The following VIPR1 variants were observed in gnomAD, a reference collection of about 807,000 sequenced individuals.
The protein encoded by VIPR1 is vasoactive intestinal polypeptide receptor 1.
VIPR1 carries 59 observed loss-of-function variants against 58.8 expected under a neutral mutation model. The ratio of observed to expected loss-of-function variants is 1.00; its 90% confidence interval spans 0.81 to 1.25. VIPR1 has a LOEUF of 1.25. VIPR1 is among the 50% of genes most tolerant of loss of function. The probability of loss-of-function intolerance (pLI) is 0.00; values close to 1 mark genes in which losing one functional copy is unlikely to be tolerated. For synonymous variants in VIPR1, 251 were observed against 242.1 expected (o/e 1.04, Z -0.34); for missense variants, 626 against 602.7 (o/e 1.04, Z -0.40).
chr3:42,526,341 G>A (rs1234412488), intron 4 of VIPR1, among the ~76,000 whole-genome samples: 1 of 152,226 alleles, frequency 6.6e-6, no homozygotes, highest in African/African-American at 2.4e-5. Context: ...AGGGGAAACC[G>A]AGTTGCTGCA....
chr3:42,522,078 C>T lies in VIPR1; in HGVS notation c.292+2748C>T, dbSNP rs770665527. 1.8e-3 allele frequency among the ~76,000 whole-genome samples: 92 copies of T among 51,306 alleles called. 2 individuals are homozygous for T. The highest frequency in any genetic ancestry group is 2.5e-3 in the Non-Finnish European group (73 of 28,884). The allele number at this position is 51,306 out of a possible 152,430, so 33.7% of individuals were successfully genotyped here. On this transcript the variant is annotated intron_variant, in intron 3 of 12. Coordinates refer to ENST00000325123, the MANE Select transcript of VIPR1 (RefSeq NM_004624.4). ...TATCTTTCATCTGTGTTTCTACCTT[C>T]GAATATATATATATATATATATATT...
At chr3:42,496,488 G>A (rs1315432839) in intron 1 of VIPR1, among the ~76,000 whole-genome samples, 1 of 152,190 alleles carries the variant, frequency 6.6e-6, no homozygotes, top group Non-Finnish European at 1.5e-5. Flanking sequence ...ACACATAGAG[G>A]GAGATGTGGC....
chr3:42,523,315 C>T (rs1701054926), intron 3 of VIPR1, among the ~76,000 whole-genome samples: 1 of 152,102 alleles, frequency 6.6e-6, no homozygotes, highest in Non-Finnish European at 1.5e-5. Flanking sequence ...TCAAAGAGAC[C>T]ACCTGGCCCC....
upstream of VIPR1, among the ~76,000 whole-genome samples, chr3:42,499,864 G>C (rs958316812): frequency 6.6e-6 from 1 of 152,206 alleles, no homozygotes; most frequent in Non-Finnish European, 1.5e-5. Context: ...CTCCCCAAGA[G>C]TGGGCCCACG....
chr3:42,536,094 A>C lies in VIPR1; in HGVS notation c.1187A>C (p.Gln396Pro), dbSNP rs746666667. 3.1e-6 allele frequency: 5 copies of C among 1,598,812 alleles called. No individual in the cohort carries two copies. In the South Asian group the frequency reaches 3.4e-5, roughly 11 times the overall value. Residue 396 changes from glutamine to proline, a missense_variant, in exon 13 of 13, where the codon CAG becomes CCG. Coordinates refer to ENST00000325123, the MANE Select transcript of VIPR1 (RefSeq NM_004624.4). The part of the protein sequence containing the change: ...ILYCFLNGEV[Q>P]AELRRKWRRW... ...GACCACCTTCCCCTCTCCTAGGTGC[A>C]GGCGGAGCTGAGGCGGAAGTGGCGG...
chr3:42,525,051 T>C (rs1376108376), intron 3 of VIPR1, among the ~76,000 whole-genome samples: 1 of 152,006 alleles, frequency 6.6e-6, no homozygotes, highest in Non-Finnish European at 1.5e-5. Flanking sequence ...GCGGTGGTGG[T>C]GGTGGTGATG....
chr3:42,501,598 C>T (rs952066878), upstream of VIPR1, among the ~76,000 whole-genome samples: 2 of 152,214 alleles, frequency 1.3e-5, no homozygotes, highest in Non-Finnish European at 2.9e-5. The surrounding 1 kb of genome is among the most constrained non-coding windows in gnomAD (Gnocchi z 4.8). Context: ...AGCTGGTGAC[C>T]CCGCTCCCCA....
intron 6 of VIPR1, chr3:42,528,444 T>C (rs1388715359): frequency 3.2e-6 from 1 of 312,140 alleles, no homozygotes; most frequent in African/African-American, 2.1e-5. Context: ...ACTTCCTATG[T>C]GGCCTTGGGG....
chr3:42,529,111 C>G (rs150557392), intron 6 of VIPR1, among the ~76,000 whole-genome samples: 7 of 152,104 alleles, frequency 4.6e-5, no homozygotes, highest in Non-Finnish European at 7.4e-5. Flanking sequence ...TTCATTACTG[C>G]GAAGCTTTTC....
chr3:42,523,094 C>CA (rs1553638545), intron 3 of VIPR1, among the ~76,000 whole-genome samples: 2 of 149,268 alleles, frequency 1.3e-5, no homozygotes, highest in Non-Finnish European at 3.0e-5. Context: ...ACCCCGCCCC[C>CA]AGTGGAGTGT....
intron 2 of VIPR1, among the ~76,000 whole-genome samples, chr3:42,514,536 T>C (rs1182516227): frequency 8.0e-6 from 1 of 125,776 alleles, no homozygotes; most frequent in African/African-American, 3.5e-5. Context: ...GGACCGATAG[T>C]GACACCACAC....
intron 3 of VIPR1, among the ~76,000 whole-genome samples, chr3:42,522,102 T>TATATATATATATATATATATATATA (rs1553638336): frequency 3.7e-4 from 5 of 13,694 alleles, no homozygotes; most frequent in Admixed American, 2.8e-3. Context: ...TATATATATA[T>TATATATATATATATATATATATATA]TTTTTTTTTT....
chr3:42,503,341 C>T (rs1308665377), intron 1 of VIPR1, among the ~76,000 whole-genome samples: 1 of 152,034 alleles, frequency 6.6e-6, no homozygotes, highest in Non-Finnish European at 1.5e-5. Flanking sequence ...CTCCGTGTGC[C>T]CTCCCACTGA....
chr3:42,514,183 G>T (rs1700506158), intron 2 of VIPR1, among the ~76,000 whole-genome samples: 1 of 152,054 alleles, frequency 6.6e-6, no homozygotes, highest in African/African-American at 2.4e-5. Context: ...AGGACACAAG[G>T]CCCAGGGTGC....
chr3:42,514,061 A>C (rs1189186524), intron 2 of VIPR1, among the ~76,000 whole-genome samples: 1 of 152,158 alleles, frequency 6.6e-6, no homozygotes, highest in African/African-American at 2.4e-5. Context: ...GCAGCTAAGG[A>C]GGACATACTA....
upstream of VIPR1, among the ~76,000 whole-genome samples, chr3:42,500,607 A>G (rs1255872636): frequency 6.6e-6 from 1 of 152,132 alleles, no homozygotes; most frequent in Non-Finnish European, 1.5e-5. Context: ...CTCCTAGGAC[A>G]CCATGCCAGC....
chr3:42,532,015 T>TGATGGAAGAA lies in VIPR1; in HGVS notation c.918+146_918+147insGATGGAAGAA, dbSNP rs1380843760. 58 of 983,632 alleles carry TGATGGAAGAA rather than the reference T, an allele frequency of 5.9e-5. 1 individual carries two copies. The highest frequency in any genetic ancestry group is 1.9e-5 in the Non-Finnish European group (12 of 645,080). 60.9% of individuals were successfully genotyped at this position (983,632 alleles called of 1,614,324 possible). ...CAATGCAGGATCATCCCCACCCCTG[T>TGATGGAAGAA]CCTACCAGTTCTTCCTTGAGCGTAA... On this transcript the variant is annotated intron_variant, in intron 9 of 12. Transcript: ENST00000325123.
Position 42,525,885 on chromosome 3 carries a change from A to AGTAAG in VIPR1, c.293-1_293insTAAGG. On this transcript the variant is annotated splice_acceptor_variant, in intron 3 of 12. Transcript: ENST00000325123. LOFTEE classifies it high-confidence loss of function. ...TTGTCCTTGCCCCTGCCCTCCACCC[A>AGTAAG]GGCCGCAATGTAAGCCGCAGCTGCA... The AGTAAG allele has an allele frequency of 6.2e-7, 1 of 1,606,596 alleles. No individual in the cohort carries two copies. The highest frequency in any genetic ancestry group is 1.3e-5 in the African/African-American group (1 of 74,904).
chr3:42,514,598 A>G (rs1700534697), intron 2 of VIPR1, among the ~76,000 whole-genome samples: 1 of 148,028 alleles, frequency 6.8e-6, no homozygotes, highest in Non-Finnish European at 1.5e-5. Context: ...GCCCCTAAGC[A>G]TACACATACA....
Sources: allele counts gnomAD v4.1 joint callset (sites outside exome capture counted in the v4.1 genomes callset), GRCh38; gene constraint gnomAD v4.1.1; non-coding constraint Gnocchi (gnomAD v3.1); transcripts MANE v1.5; gene names NCBI Gene and HGNC (gene_info 2026-07-23, HGNC 2026-07-21).